Variants in SCART1 observed in about 807,000 individuals in gnomAD.
SCART1 encodes the protein scavenger receptor family member expressed on T cells 1.
A neutral mutation model predicts 36.2 loss-of-function variants in SCART1; 62 were observed. The observed-to-expected ratio is 1.71, with a 90% confidence interval of 1.40 to 2.12. SCART1 has a LOEUF of 2.12. SCART1 is among the 30% of genes most tolerant of loss of function. The probability of loss-of-function intolerance (pLI) is 0.00; values close to 1 mark genes in which losing one functional copy is unlikely to be tolerated. For missense variants in SCART1, 1,041 were observed against 540.5 expected, an observed-to-expected ratio of 1.93 and a Z score of -9.18; for synonymous variants, 487 against 238.7, an observed-to-expected ratio of 2.04 and a Z score of -9.59.
At chr10:133,461,402 T>C (rs1850700261) in intron 6 of SCART1, among the ~76,000 whole-genome samples, 1 of 152,170 alleles carries the variant, frequency 6.6e-6, no homozygotes, top group South Asian at 2.1e-4. Context: ...TTCTCATTGA[T>C]TTTGGTTTAT....
At chr10:133,459,458 C>G in intron 5 of SCART1, 29 bp from the exon 6 acceptor site, 1 of 622,386 alleles carries the variant, frequency 1.6e-6, no homozygotes, top group Non-Finnish European at 2.9e-6. Context: ...CCGCTGACAT[C>G]TTGGGCCCCT....
chr10:133,458,335 T>C (rs1316964708), intron 3 of SCART1, 25 bp from the exon 4 acceptor site: 3 of 702,402 alleles, frequency 4.3e-6, no homozygotes, highest in Non-Finnish European at 7.8e-6. Context: ...ACCTGTCTCC[T>C]GCCTGAGAGG....
At chr10:133,455,037 C>T (rs59141934) in intron 1 of SCART1, among the ~76,000 whole-genome samples, 6 of 152,076 alleles carry the variant, frequency 3.9e-5, no homozygotes, top group East Asian at 1.9e-4. Flanking sequence ...GAGGCTGAGG[C>T]AGGCAGTTTA....
exon 2 of SCART1, chr10:133,456,318 G>T (rs1300560259): frequency 2.8e-6 from 2 of 703,004 alleles, no homozygotes; most frequent in African/African-American, 1.7e-5. Flanking sequence ...GGGGCATGGG[G>T]ATACGTGTGC....
At chr10:133,469,675 C>A (rs193193861), downstream of SCART1, among the ~76,000 whole-genome samples, 7 of 152,148 alleles carry the variant, frequency 4.6e-5, no homozygotes, top group Non-Finnish European at 8.8e-5. Context: ...CAAACCACCA[C>A]GACACGTGTA....
chr10:133,467,508 A>G (rs1406514899), intron 11 of SCART1, among the ~76,000 whole-genome samples, 155 bp downstream of exon 11: 1 of 152,028 alleles, frequency 6.6e-6, no homozygotes, highest in Non-Finnish European at 1.5e-5. Context: ...TGGGCAGGGG[A>G]GAGCAGGGCC....
intron 2 of SCART1, chr10:133,457,044 G>A: frequency 1.8e-6 from 1 of 559,028 alleles, no homozygotes; most frequent in South Asian, 2.5e-5. Flanking sequence ...TACCATTTTG[G>A]GGCCCAGTGT....
rs948499837 is a variant in SCART1, at chr10:133,459,116, A to G, written c.1075A>G (p.Ile359Val). 3 of 701,950 alleles carry G rather than the reference A, an allele frequency of 4.3e-6. No individual in the cohort carries two copies. The African/African-American group carries it at 5.3e-5, about 12-fold the overall frequency. The allele number at this position is 701,950 out of a possible 1,614,324, so 43.5% of individuals were successfully genotyped here. ...ACCCCTCTGTGCCACCCACTGGGAC[A>G]TAGCAGATGCCACCGTCCTCTGCCA... is the stretch of plus-strand genomic sequence containing the variant. Residue 359 changes from isoleucine (I) to valine (V), a missense_variant, in exon 5 of 12, where the codon ATA (isoleucine) becomes GTA (valine). Physicochemically the swap from Ile to Val is conservative, Grantham distance 29 (BLOSUM62 3). Transcript: ENST00000640237.
At chr10:133,458,606 G>T in exon 4 of SCART1, 1 of 697,070 alleles carries the variant, frequency 1.4e-6, no homozygotes, top group Non-Finnish European at 2.6e-6. Context: ...TGCCCACGGG[G>T]GCGTGGGAGC....
At chr10:133,454,693 C>T (rs1850586873) in intron 1 of SCART1, among the ~76,000 whole-genome samples, 1 of 152,042 alleles carries the variant, frequency 6.6e-6, no homozygotes, top group African/African-American at 2.4e-5. Flanking sequence ...GGGAGGGTGC[C>T]CTTGAGGCTG....
At chr10:133,467,487 A>G in intron 11 of SCART1, 134 bp downstream of exon 11, 1 of 597,982 alleles carries the variant, frequency 1.7e-6, no homozygotes, top group Non-Finnish European at 3.0e-6. Context: ...TCATGGATGC[A>G]AAGGGACTCG....
Position 133,459,007 on chromosome 10 carries a change from C to T in SCART1, c.980-14C>T, listed in dbSNP as rs1290823157. 4 of 664,570 alleles carry T rather than the reference C, an allele frequency of 6.0e-6. No homozygotes were observed. The highest frequency in any genetic ancestry group is 2.2e-5 in the Admixed American group (1 of 44,994). 41.2% of individuals were successfully genotyped at this position (664,570 alleles called of 1,614,324 possible). ...GGCCGTCTGCAAGCCAGGCTGACTC[C>T]TCCTCTCCCCCAGAGTTCAGGATGG... is the stretch of plus-strand genomic sequence containing the variant. On this transcript the variant is annotated splice_polypyrimidine_tract_variant and intron_variant, in intron 4 of 11. Transcript: ENST00000640237.
chr10:133,460,954 T>C (rs1850694711), intron 6 of SCART1, among the ~76,000 whole-genome samples: 1 of 152,080 alleles, frequency 6.6e-6, no homozygotes, highest in South Asian at 2.1e-4. Flanking sequence ...CAGGCCGGTC[T>C]CAAACTCCTG....
chr10:133,464,859 G>A (rs1180311175), exon 7 of SCART1: 3 of 702,914 alleles, frequency 4.3e-6, no homozygotes, highest in African/African-American at 3.5e-5. Flanking sequence ...TCCACTCTGT[G>A]GCAATGCCCT....
chr10:133,467,375 G>A (rs977268398), intron 11 of SCART1, 22 bp downstream of exon 11: 1 of 693,980 alleles, frequency 1.4e-6, no homozygotes, highest in African/African-American at 1.7e-5. Context: ...CTCCAGCTCA[G>A]GGGTGAGCTC....
At chr10:133,461,974 A>C (rs1850707735) in intron 6 of SCART1, among the ~76,000 whole-genome samples, 1 of 152,220 alleles carries the variant, frequency 6.6e-6, no homozygotes, top group Admixed American at 6.5e-5. Context: ...CTGTCAGACC[A>C]TCTGCTGGAG....
chr10:133,466,269 C>T (rs1003059819), exon 10 of SCART1: 10 of 702,918 alleles, frequency 1.4e-5, no homozygotes, highest in Non-Finnish European at 2.3e-5. Flanking sequence ...CTGCAGCTCC[C>T]TTCCGGACAT....
intron 3 of SCART1, chr10:133,458,077 G>A (rs570397897): frequency 9.2e-6 from 6 of 649,140 alleles, no homozygotes; most frequent in South Asian, 8.1e-5. Context: ...ATTGCAGAGG[G>A]TGTTGCTGTC....
intron 9 of SCART1, 185 bp from the exon 10 acceptor site, chr10:133,466,050 G>A (rs1564836111): frequency 1.1e-5 from 7 of 639,172 alleles, no homozygotes; most frequent in Non-Finnish European, 1.4e-5. Context: ...GACACCCCCA[G>A]TGGACACTAG....
Sources: gnomAD v4.1 joint callset for allele counts (sites outside exome capture counted in the v4.1 genomes callset) on GRCh38, gnomAD v4.1.1 for gene constraint, MANE v1.5 for transcripts, NCBI Gene and HGNC (gene_info 2026-07-23, HGNC 2026-07-21) for gene names.